Variants in CEP112 observed in about 807,000 individuals in gnomAD.
CEP112 encodes the protein centrosomal protein of 112 kDa.
Under a neutral mutation model 153.0 loss-of-function variants are expected in CEP112, and 127 were observed. The observed-to-expected ratio is 0.83, with a 90% CI of 0.72 to 0.96. CEP112 has a LOEUF of 0.96. CEP112 is among the 40% of genes least tolerant of loss of function. The probability of loss-of-function intolerance (pLI) is 0.00; values close to 1 mark genes in which losing one functional copy is unlikely to be tolerated. For missense variants in CEP112, 1,089 were observed against 1,101.2 expected (o/e 0.99, Z 0.16); for synonymous variants, 358 against 374.4 (o/e 0.96, Z 0.51).
chr17:65,921,666 T>C (rs994679622), intron 19 of CEP112, among the ~76,000 whole-genome samples: 5 of 152,172 alleles, frequency 3.3e-5, no homozygotes, highest in African/African-American at 1.2e-4. Context: ...ATTCCTGTTA[T>C]ATACTACATT....
intron 6 of CEP112, among the ~76,000 whole-genome samples, chr17:66,126,221 G>A (rs996823402): frequency 6.6e-6 from 1 of 152,108 alleles, no homozygotes; most frequent in African/African-American, 2.4e-5. Context: ...TAAAACTGTA[G>A]CACTTTACAA....
chr17:65,718,903 T>C (rs1193843068), intron 23 of CEP112, among the ~76,000 whole-genome samples: 1 of 152,134 alleles, frequency 6.6e-6, no homozygotes, highest in East Asian at 1.9e-4. Context: ...AGAAACACTA[T>C]AAATAATTTG....
chr17:66,049,553 C>G (rs2145902476), intron 12 of CEP112, among the ~76,000 whole-genome samples: 1 of 152,190 alleles, frequency 6.6e-6, no homozygotes, highest in African/African-American at 2.4e-5. Flanking sequence ...AGTTTGAGAC[C>G]AGCCTGGCCA....
intron 19 of CEP112, among the ~76,000 whole-genome samples, chr17:65,904,476 T>TTCCATGC (rs2059995893): frequency 6.6e-6 from 1 of 152,190 alleles, no homozygotes; most frequent in Non-Finnish European, 1.5e-5. Context: ...TGGAAAAACA[T>TTCCATGC]TCCATGCTCA....
intron 17 of CEP112, among the ~76,000 whole-genome samples, chr17:65,972,607 G>A (rs563794199): frequency 1.4e-4 from 21 of 152,112 alleles, no homozygotes; most frequent in Middle Eastern, 3.4e-3. Flanking sequence ...TCTTTGAGAA[G>A]ATCAATAAAA....
chr17:66,110,289 G>A (rs758599369), intron 6 of CEP112, among the ~76,000 whole-genome samples: 15 of 151,300 alleles, frequency 9.9e-5, no homozygotes, highest in South Asian at 2.1e-4. Context: ...CAGAGATTGC[G>A]CCACTGCATT....
chr17:66,058,606 C>G (rs949031150), intron 11 of CEP112, among the ~76,000 whole-genome samples: 7 of 151,992 alleles, frequency 4.6e-5, no homozygotes, highest in African/African-American at 1.7e-4. Flanking sequence ...CTCAGCACTA[C>G]TGGGAGGCTG....
At chr17:65,666,697 G>T (rs1344920190) in intron 24 of CEP112, among the ~76,000 whole-genome samples, 1 of 151,730 alleles carries the variant, frequency 6.6e-6, no homozygotes, top group African/African-American at 2.4e-5. Context: ...CTTTGCAAAA[G>T]AAATCATAAT....
rs115168461 is a variant in CEP112, at chr17:65,667,199, C to T, written c.2697+21930G>A. Reference sequence around the variant, plus strand: ...AGTGCCACCTTCTTTGTAGCAATGTCGTGACCTCTATAATGCTTCTTAAAT... The same window carrying T: ...AGTGCCACCTTCTTTGTAGCAATGTTGTGACCTCTATAATGCTTCTTAAAT... On this transcript the variant is annotated intron_variant, in intron 24 of 26. Transcript: ENST00000535342. 1.6e-3 allele frequency among the ~76,000 whole-genome samples: 240 copies of T among 152,148 alleles called. 2 individuals are homozygous for T. The highest frequency in any genetic ancestry group is 5.6e-3 in the African/African-American group (234 of 41,506).
intron 21 of CEP112, among the ~76,000 whole-genome samples, chr17:65,768,730 G>A (rs7221131): frequency 0.48 from 72,907 of 151,808 alleles, 19,192 homozygotes; most frequent in East Asian, 0.78. Context: ...AATACAGCTC[G>A]ATGTCTGATT....
intron 1 of CEP112, among the ~76,000 whole-genome samples, chr17:66,188,386 A>C (rs1159952848): frequency 2.7e-5 from 4 of 147,484 alleles, no homozygotes; most frequent in Admixed American, 2.0e-4. Flanking sequence ...TGAACTCCTC[A>C]CCATGGTCAA....
chr17:65,703,682 G>A (rs566893522), intron 23 of CEP112, among the ~76,000 whole-genome samples: 1 of 147,904 alleles, frequency 6.8e-6, no homozygotes, highest in South Asian at 2.2e-4. Context: ...AGCTCTGTGG[G>A]TCTTATCTTC....
intron 21 of CEP112, among the ~76,000 whole-genome samples, chr17:65,849,129 T>C (rs1451574298): frequency 6.6e-6 from 1 of 152,244 alleles, no homozygotes; most frequent in Non-Finnish European, 1.5e-5. Flanking sequence ...GCTTGGTTGC[T>C]AGCTCTCCCC....
chr17:66,041,866 G>A (rs1269445460), intron 12 of CEP112, among the ~76,000 whole-genome samples: 1 of 152,134 alleles, frequency 6.6e-6, no homozygotes, highest in Non-Finnish European at 1.5e-5. Flanking sequence ...AATTTATATA[G>A]ATACCCCACC....
At chr17:65,725,464 C>T (rs1160811007) in intron 23 of CEP112, among the ~76,000 whole-genome samples, 6 of 151,968 alleles carry the variant, frequency 3.9e-5, no homozygotes, top group South Asian at 4.2e-4. Flanking sequence ...ATTACAGGTG[C>T]GCACCACCGC....
intron 4 of CEP112, among the ~76,000 whole-genome samples, chr17:66,157,750 A>G (rs1048657080): frequency 2.0e-5 from 3 of 151,858 alleles, no homozygotes; most frequent in Non-Finnish European, 4.4e-5. Flanking sequence ...AGTCTCTGAT[A>G]AAACAGACTT....
intron 8 of CEP112, among the ~76,000 whole-genome samples, chr17:66,072,134 A>C (rs75563915): frequency 0.051 from 7,706 of 152,076 alleles, 258 homozygotes; most frequent in African/African-American, 0.094. Context: ...CTACCTCTCT[A>C]TATATATAAA....
At chr17:65,896,243 T>C (rs2059655296) in intron 20 of CEP112, among the ~76,000 whole-genome samples, 1 of 152,088 alleles carries the variant, frequency 6.6e-6, no homozygotes, top group Non-Finnish European at 1.5e-5. Flanking sequence ...AAATGGATCA[T>C]TCTTAGAGCA....
In CEP112 at chr17:66,094,245, G is replaced by C. The variant is rs1364964894; in HGVS notation, c.768+2006C>G. Among the ~76,000 whole-genome samples, 2 of 151,722 alleles carry C rather than the reference G, an allele frequency of 1.3e-5. 1 individual carries two copies. Among genetic ancestry groups the C allele is most frequent in the Non-Finnish European group, 2.9e-5 (2 of 67,956 alleles). On this transcript the variant is annotated intron_variant, in intron 8 of 26. Coordinates refer to ENST00000535342, the MANE Select transcript of CEP112 (RefSeq NM_001199165.4). Reference sequence around the variant, plus strand: ...CGGCTAATTTTCGTATTTTTAGTAGGGATGGGGTTTCACCATGTTGGCCAG... The same window carrying C: ...CGGCTAATTTTCGTATTTTTAGTAGCGATGGGGTTTCACCATGTTGGCCAG...
Sources: gnomAD v4.1 joint callset for allele counts (sites outside exome capture counted in the v4.1 genomes callset) on GRCh38, gnomAD v4.1.1 for gene constraint, MANE v1.5 for transcripts, NCBI Gene and HGNC (gene_info 2026-07-23, HGNC 2026-07-21) for gene names.